The following COL5A2 variants were observed in gnomAD, a reference collection of about 807,000 sequenced individuals.
COL5A2 encodes the protein collagen alpha-2(V) chain.
In COL5A2, 23 loss-of-function variants were observed where a neutral mutation model predicts 208.2. That is an observed-to-expected ratio of 0.11 (90% CI 0.08 to 0.16). The LOEUF (loss-of-function observed/expected upper bound fraction) is 0.16. COL5A2 is among the 10% of genes least tolerant of loss of function. COL5A2 has a pLI of 1.00. For synonymous variants in COL5A2, 625 were observed against 628.5 expected (o/e 0.99, Z 0.08); for missense variants, 1,590 against 1,956.4 (o/e 0.81, Z 3.53).
intron 1 of COL5A2, among the ~76,000 whole-genome samples, chr2:189,158,619 C>T (rs1394802632): frequency 1.3e-5 from 2 of 152,002 alleles, no homozygotes; most frequent in African/African-American, 4.8e-5. Context: ...TTAGAAAACA[C>T]CACAGTACCA....
the COL5A2 span, among the ~76,000 whole-genome samples, chr2:189,254,891 C>T: frequency 6.6e-6 from 1 of 152,218 alleles, no homozygotes; most frequent in Non-Finnish European, 1.5e-5. Flanking sequence ...ACACCTCCTT[C>T]ATTCCAAAGA....
At chr2:189,131,612 G>C (rs981565534) in intron 1 of COL5A2, among the ~76,000 whole-genome samples, 2 of 152,126 alleles carry the variant, frequency 1.3e-5, no homozygotes, top group Non-Finnish European at 2.9e-5. Context: ...ACTAGGCCTG[G>C]AGCTCAATAA....
intron 51 of COL5A2, among the ~76,000 whole-genome samples, chr2:189,038,690 C>CTGT (rs140960809): frequency 0.095 from 14,522 of 152,092 alleles, 721 homozygotes; most frequent in South Asian, 0.15. Flanking sequence ...TTGTCAGTAT[C>CTGT]TGTTTTGTGA....
Position 189,056,867 on chromosome 2 carries a change from C to G in COL5A2, c.2391+106G>C. The G allele has an allele frequency of 2.8e-6, 3 of 1,067,050 alleles. No homozygotes were observed. The South Asian group carries it at 3.7e-5, about 13-fold the overall frequency. The allele number at this position is 1,067,050 out of a possible 1,614,324, so 66.1% of individuals were successfully genotyped here. ...CATGCCATTATTCTCCAACTCCTGA[C>G]TACCAAGGAAACATGACTGACTTTA... On this transcript the variant is annotated intron_variant, in intron 35 of 53. Coordinates refer to ENST00000374866, the MANE Select transcript of COL5A2 (RefSeq NM_000393.5).
the COL5A2 span, among the ~76,000 whole-genome samples, chr2:189,377,354 G>A: frequency 6.6e-6 from 1 of 152,070 alleles, no homozygotes; most frequent in Non-Finnish European, 1.5e-5. Context: ...CTGTATTACT[G>A]GAGCACTTTG....
At chr2:189,267,076 C>G in the COL5A2 span, among the ~76,000 whole-genome samples, 1 of 151,904 alleles carries the variant, frequency 6.6e-6, no homozygotes, top group African/African-American at 2.4e-5. Flanking sequence ...TGCCAAGAAT[C>G]TTATGGTGGT....
At chr2:189,140,744 A>G (rs1559122209) in intron 1 of COL5A2, among the ~76,000 whole-genome samples, 1 of 152,186 alleles carries the variant, frequency 6.6e-6, no homozygotes, top group Non-Finnish European at 1.5e-5. Flanking sequence ...AATAGTTTCT[A>G]GTATCAGAAG....
intron 19 of COL5A2, 101 bp downstream of exon 19, chr2:189,068,685 C>A (rs1427529920): frequency 3.6e-6 from 3 of 835,034 alleles, no homozygotes; most frequent in Non-Finnish European, 6.1e-6. Flanking sequence ...TAAATATGTA[C>A]AAATATTATG....
At chr2:189,323,687 G>C in the COL5A2 span, among the ~76,000 whole-genome samples, 1 of 152,154 alleles carries the variant, frequency 6.6e-6, no homozygotes, top group African/African-American at 2.4e-5. Context: ...CAAACAAATG[G>C]AAGAACATTC....
At chr2:189,097,615 T>A (rs2105684041) in intron 5 of COL5A2, 1 of 594,734 alleles carries the variant, frequency 1.7e-6, no homozygotes, top group East Asian at 3.8e-5. Context: ...TAATTGCAAA[T>A]TTTTAAGGAT....
At chr2:189,189,279 A>G (rs1395578288) in intron 1 of COL5A2, among the ~76,000 whole-genome samples, 1 of 152,236 alleles carries the variant, frequency 6.6e-6, no homozygotes, top group African/African-American at 2.4e-5. Context: ...GGAGACGGCC[A>G]GCAGTGATCA....
chr2:189,136,146 C>A (rs1258797163), intron 1 of COL5A2, among the ~76,000 whole-genome samples: 2 of 152,094 alleles, frequency 1.3e-5, no homozygotes, highest in Non-Finnish European at 2.9e-5. Flanking sequence ...AGTTAAGTCA[C>A]CTTGTATTTA....
chr2:189,223,005 T>C (rs1689367230), intron 1 of COL5A2, among the ~76,000 whole-genome samples: 1 of 152,154 alleles, frequency 6.6e-6, no homozygotes. Context: ...ATGGATAACA[T>C]TCAAGGCTAT....
the COL5A2 span, among the ~76,000 whole-genome samples, chr2:189,398,214 C>T: frequency 1.3e-5 from 2 of 152,078 alleles, no homozygotes; most frequent in African/African-American, 4.8e-5. Flanking sequence ...GTTGAGCCGG[C>T]CAAGCTATGG....
At chr2:189,438,958 T>C in the COL5A2 span, among the ~76,000 whole-genome samples, 3 of 152,160 alleles carry the variant, frequency 2.0e-5, no homozygotes, top group African/African-American at 7.2e-5. Context: ...ACCCCCTTGA[T>C]GATTATTCTC....
the COL5A2 span, among the ~76,000 whole-genome samples, chr2:189,437,052 C>T: frequency 0.035 from 5,382 of 152,074 alleles, 113 homozygotes; most frequent in Admixed American, 0.05. Context: ...AAAGTCTGAA[C>T]GAGATAGTCT....
the COL5A2 span, among the ~76,000 whole-genome samples, chr2:189,271,357 AT>A: frequency 6.6e-6 from 1 of 152,126 alleles, no homozygotes; most frequent in African/African-American, 2.4e-5. Context: ...AACGCCACAC[AT>A]CTACAACCAT....
chr2:189,147,955 G>A (rs1258296230), intron 1 of COL5A2, among the ~76,000 whole-genome samples: 1 of 152,096 alleles, frequency 6.6e-6, no homozygotes, highest in African/African-American at 2.4e-5. Flanking sequence ...CAGATCCTTA[G>A]AACCATTTCT....
chr2:189,226,991 G>T (rs1367486186), upstream of COL5A2, among the ~76,000 whole-genome samples: 1 of 152,030 alleles, frequency 6.6e-6, no homozygotes, highest in Non-Finnish European at 1.5e-5. Flanking sequence ...ATGAACTTCT[G>T]AAAAAAGGAA....
Sources: allele counts gnomAD v4.1 joint callset (sites outside exome capture counted in the v4.1 genomes callset), GRCh38; gene constraint gnomAD v4.1.1; transcripts MANE v1.5; gene names NCBI Gene and HGNC (gene_info 2026-07-23, HGNC 2026-07-21).